STX8: variants seen among roughly 807,000 people sequenced by gnomAD.
The protein encoded by STX8 is syntaxin 8, also known as syntaxin-8.
Under a neutral mutation model 37.5 loss-of-function variants are expected in STX8, and 23 were observed. The ratio of observed to expected loss-of-function variants is 0.61; its 90% confidence interval spans 0.44 to 0.87. The LOEUF (loss-of-function observed/expected upper bound fraction) is 0.87. Among genes scored for constraint, STX8 ranks in the 40% least tolerant of loss-of-function variants. STX8 has a pLI of 0.00. For missense variants in STX8, 313 were observed against 284.7 expected (o/e 1.10, Z -0.71); for synonymous variants, 115 against 99.1 (o/e 1.16, Z -0.95).
chr17:9,272,205 G>C (rs1353297084), intron 7 of STX8, among the ~76,000 whole-genome samples: 2 of 152,234 alleles, frequency 1.3e-5, no homozygotes, highest in African/African-American at 4.8e-5. Flanking sequence ...TTAGAATAGA[G>C]AGGGATTCAA....
chr17:9,388,479 T>TC (rs929668685), intron 6 of STX8, among the ~76,000 whole-genome samples: 21 of 151,706 alleles, frequency 1.4e-4, no homozygotes, highest in Admixed American at 1.1e-3. Flanking sequence ...ACAGTGTAAT[T>TC]CCCCCATGTG....
intron 6 of STX8, among the ~76,000 whole-genome samples, chr17:9,476,444 CTTTT>C (rs1383782982): frequency 1.3e-5 from 2 of 151,170 alleles, no homozygotes; most frequent in Non-Finnish European, 2.9e-5. Flanking sequence ...GTTGTTTCTT[CTTTT>C]CTTTTTTTTT....
intron 6 of STX8, among the ~76,000 whole-genome samples, chr17:9,454,327 G>C (rs189908625): frequency 1.4e-4 from 22 of 152,342 alleles, no homozygotes; most frequent in Non-Finnish European, 1.8e-4. Context: ...AGGTGGAACA[G>C]AGCAGGATGG....
chr17:9,515,191 AACT>A (rs1277273552), intron 4 of STX8, among the ~76,000 whole-genome samples: 15 of 152,040 alleles, frequency 9.9e-5, no homozygotes, highest in Admixed American at 6.5e-4. Flanking sequence ...GGAAGATGTT[AACT>A]ACTATCATAA....
chr17:9,459,946 G>C (rs992236600), intron 6 of STX8, among the ~76,000 whole-genome samples: 42 of 152,294 alleles, frequency 2.8e-4, no homozygotes, highest in South Asian at 1.0e-3. Flanking sequence ...TCTAGAACTC[G>C]CTACTGGCAG....
At chr17:9,288,947 C>T (rs1908204153) in intron 7 of STX8, among the ~76,000 whole-genome samples, 1 of 151,958 alleles carries the variant, frequency 6.6e-6, no homozygotes, top group African/African-American at 2.4e-5. Flanking sequence ...CACAAAATAC[C>T]CAACACAATA....
chr17:9,269,053 G>A (rs1377960980), intron 7 of STX8, among the ~76,000 whole-genome samples: 2 of 152,116 alleles, frequency 1.3e-5, no homozygotes, highest in Non-Finnish European at 2.9e-5. Context: ...TGGGCATGGT[G>A]GCGGGCGCCT....
intron 6 of STX8, among the ~76,000 whole-genome samples, chr17:9,418,210 G>A (rs2142345656): frequency 6.6e-6 from 1 of 152,284 alleles, no homozygotes; most frequent in South Asian, 2.1e-4. Flanking sequence ...GCACAGCCAA[G>A]TGGTGGCAAG....
intron 7 of STX8, among the ~76,000 whole-genome samples, chr17:9,358,999 G>T (rs1910970490): frequency 6.6e-6 from 1 of 152,032 alleles, no homozygotes. Context: ...GGAAACCTGG[G>T]TGGGATTATA....
chr17:9,368,905 C>T (rs1240868844), intron 7 of STX8, among the ~76,000 whole-genome samples: 1 of 149,952 alleles, frequency 6.7e-6, no homozygotes, highest in African/African-American at 2.5e-5. Flanking sequence ...ACTCTTAAGT[C>T]CTATCTACCT....
At chr17:9,534,161 CATTA>C (rs1271783153) in intron 4 of STX8, among the ~76,000 whole-genome samples, 2 of 147,382 alleles carry the variant, frequency 1.4e-5, no homozygotes, top group South Asian at 4.3e-4. Flanking sequence ...TAATAACGGA[CATTA>C]ATTATTGATA....
intron 1 of STX8, among the ~76,000 whole-genome samples, chr17:9,573,971 A>G (rs1188070688): frequency 1.3e-5 from 2 of 152,076 alleles, no homozygotes; most frequent in Non-Finnish European, 2.9e-5. Context: ...ATTATTTTGC[A>G]ACATAAGACA....
rs908287365 is a variant in STX8 at position 9,526,311 on chromosome 17, C to T, written c.323+18861G>A. Among the ~76,000 whole-genome samples, 8 of 152,128 alleles carry T rather than the reference C, an allele frequency of 5.3e-5. No individual in the cohort carries two copies. The East Asian group carries it at 7.7e-4, about 15-fold the overall frequency. On this transcript the variant is annotated intron_variant, in intron 4 of 7. Transcript: ENST00000306357. ...CTCATTTGTAAACCAAAAAAGTAAT[C>T]GCTTGAGTTATAACACCGTATCAGA...
intron 6 of STX8, among the ~76,000 whole-genome samples, chr17:9,410,125 C>T (rs1912932811): frequency 1.3e-5 from 2 of 152,170 alleles, no homozygotes; most frequent in African/African-American, 4.8e-5. Flanking sequence ...TTCATCCCAC[C>T]CAAATATCTT....
chr17:9,458,212 C>T lies in STX8; in HGVS notation c.541+33617G>A, dbSNP rs898901258. 3.9e-5 allele frequency among the ~76,000 whole-genome samples: 6 copies of T among 152,306 alleles called. No individual in the cohort carries two copies. The East Asian group carries it at 1.2e-3, about 29-fold the overall frequency. On this transcript the variant is annotated intron_variant, in intron 6 of 7. Coordinates refer to ENST00000306357, the MANE Select transcript of STX8 (RefSeq NM_004853.3). ...TCGTCCAGGCTGGAGTGCAGTGGCG[C>T]CATCTTGGCTCACTGCAAGCTCCGC...
chr17:9,395,090 T>C (rs532268395), intron 6 of STX8, among the ~76,000 whole-genome samples: 16 of 148,698 alleles, frequency 1.1e-4, no homozygotes, highest in Non-Finnish European at 1.9e-4. Context: ...AAAAAAAAAG[T>C]TTAAACAAAT....
At chr17:9,331,842 G>A (rs1420768929) in intron 7 of STX8, among the ~76,000 whole-genome samples, 5 of 151,912 alleles carry the variant, frequency 3.3e-5, no homozygotes, top group Non-Finnish European at 5.9e-5. Context: ...GCCCAGCAAC[G>A]TCTGGCAGAC....
At chr17:9,489,037 C>T (rs764838560) in intron 6 of STX8, among the ~76,000 whole-genome samples, 6 of 152,040 alleles carry the variant, frequency 3.9e-5, no homozygotes, top group Admixed American at 2.0e-4. Context: ...CCACCACGCC[C>T]GGCTAATTTT....
chr17:9,569,102 C>T (rs961742377), intron 1 of STX8, among the ~76,000 whole-genome samples: 14 of 152,196 alleles, frequency 9.2e-5, no homozygotes, highest in Admixed American at 5.2e-4. Context: ...GGCCGTCTGG[C>T]CCCAGAGCCG....
Sources: gnomAD v4.1 joint callset for allele counts (sites outside exome capture counted in the v4.1 genomes callset) on GRCh38, gnomAD v4.1.1 for gene constraint, MANE v1.5 for transcripts, NCBI Gene and HGNC (gene_info 2026-07-23, HGNC 2026-07-21) for gene names.